Variants in ARHGAP15 observed in about 807,000 individuals in gnomAD.
ARHGAP15 encodes the protein rho GTPase-activating protein 15.
ARHGAP15 carries 51 observed loss-of-function variants against 63.7 expected under a neutral mutation model. The ratio of observed to expected loss-of-function variants is 0.80; its 90% CI spans 0.64 to 1.01. ARHGAP15 has a LOEUF of 1.01. Among genes scored for constraint, ARHGAP15 ranks in the 50% least tolerant of loss-of-function variants. The pLI is 0.00. For missense variants in ARHGAP15, 560 were observed against 564.6 expected (o/e 0.99, Z 0.08); for synonymous variants, 191 against 193.8 (o/e 0.99, Z 0.12).
intron 11 of ARHGAP15, among the ~76,000 whole-genome samples, chr2:143,593,715 T>C (rs1697405275): frequency 6.6e-6 from 1 of 152,204 alleles, no homozygotes; most frequent in Non-Finnish European, 1.5e-5. Flanking sequence ...TTTTAAACTA[T>C]ATTAGAGATA....
chr2:143,555,860 AAGAATAGAATAGAATAGAATAGAAT>A (rs60637898), intron 10 of ARHGAP15, among the ~76,000 whole-genome samples: 1,974 of 138,182 alleles, frequency 0.014, 28 homozygotes, highest in East Asian at 0.036. Flanking sequence ...ACAGGAAAAC[AAGAATAGAATAGAATAGAATAGAAT>A]AGAATAGAAT....
At chr2:143,313,791 A>G (rs1001678576) in intron 6 of ARHGAP15, among the ~76,000 whole-genome samples, 1 of 152,104 alleles carries the variant, frequency 6.6e-6, no homozygotes, top group African/African-American at 2.4e-5. Context: ...TCGTTTCTTT[A>G]ATTAACCTTG....
chr2:143,267,268 G>C (rs2890701), intron 6 of ARHGAP15, among the ~76,000 whole-genome samples: 121,046 of 152,128 alleles, frequency 0.8, 49,117 homozygotes, highest in African/African-American at 0.95. Context: ...GGCAAACTTT[G>C]ATAAAGCCAT....
intron 13 of ARHGAP15, among the ~76,000 whole-genome samples, chr2:143,711,428 A>C (rs955809207): frequency 1.3e-5 from 2 of 152,246 alleles, no homozygotes; most frequent in African/African-American, 4.8e-5. Flanking sequence ...TTGGCTTGGC[A>C]GACAACAGAC....
chr2:143,231,881 A>G (rs553295997), intron 5 of ARHGAP15, among the ~76,000 whole-genome samples: 1 of 152,294 alleles, frequency 6.6e-6, no homozygotes, highest in South Asian at 2.1e-4. Flanking sequence ...GAGAGAGCAG[A>G]CGTTCGTGTC....
intron 1 of ARHGAP15, among the ~76,000 whole-genome samples, chr2:143,144,348 T>C (rs1304472967): frequency 1.3e-5 from 2 of 152,026 alleles, no homozygotes; most frequent in Admixed American, 1.3e-4. Context: ...TTTACAATGG[T>C]TAAACTAATT....
At chr2:143,140,958 A>G (rs1689336493) in intron 1 of ARHGAP15, among the ~76,000 whole-genome samples, 1 of 152,170 alleles carries the variant, frequency 6.6e-6, no homozygotes, top group African/African-American at 2.4e-5. Flanking sequence ...AAAGGGGATT[A>G]GCAAGTGGGC....
chr2:143,405,798 G>A (rs368424939), intron 6 of ARHGAP15, among the ~76,000 whole-genome samples: 8 of 151,800 alleles, frequency 5.3e-5, no homozygotes, highest in African/African-American at 1.7e-4. Flanking sequence ...TTTCTCCATC[G>A]TTTCTTGCAT....
intron 6 of ARHGAP15, among the ~76,000 whole-genome samples, chr2:143,396,574 AGTACGCTCCATATAAATAT>A (rs1687769761): frequency 6.6e-6 from 1 of 151,790 alleles, no homozygotes. Context: ...GTGTTTTTTA[AGTACGCTCCATATAAATAT>A]TCCAAAGAAA....
intron 12 of ARHGAP15, among the ~76,000 whole-genome samples, chr2:143,651,033 ATTAC>A (rs1235510314): frequency 1.3e-5 from 2 of 151,990 alleles, no homozygotes; most frequent in Non-Finnish European, 2.9e-5. Flanking sequence ...AAGACTGTCA[ATTAC>A]TTATATCTTG....
At chr2:143,337,173 G>T (rs115212508) in intron 6 of ARHGAP15, among the ~76,000 whole-genome samples, 4 of 152,138 alleles carry the variant, frequency 2.6e-5, no homozygotes, top group African/African-American at 9.7e-5. Context: ...TGAGTGAAGA[G>T]AGTGTGCAAA....
intron 13 of ARHGAP15, chr2:143,741,216 G>A (rs1415247391): frequency 6.6e-6 from 1 of 152,202 alleles, no homozygotes; most frequent in Non-Finnish European, 1.5e-5. Context: ...GATGGCTTTT[G>A]TTGAAATATT....
chr2:143,234,736 C>G (rs949869373), intron 5 of ARHGAP15, among the ~76,000 whole-genome samples: 5 of 152,086 alleles, frequency 3.3e-5, no homozygotes, highest in African/African-American at 1.2e-4. Context: ...ACACTTTGGC[C>G]AGGACCTTGC....
chr2:143,603,124 A>G (rs547432719), intron 11 of ARHGAP15, among the ~76,000 whole-genome samples: 5 of 152,148 alleles, frequency 3.3e-5, no homozygotes, highest in Admixed American at 6.6e-5. Context: ...TATGTAGTCA[A>G]TGGGACTCAC....
chr2:143,256,769 TAG>T (rs574171921), intron 6 of ARHGAP15, among the ~76,000 whole-genome samples: 53 of 152,096 alleles, frequency 3.5e-4, no homozygotes, highest in African/African-American at 1.2e-3. Flanking sequence ...ATTTTATAAT[TAG>T]AGATTTGATT....
intron 6 of ARHGAP15, among the ~76,000 whole-genome samples, chr2:143,368,515 G>A (rs543692749): frequency 1.3e-5 from 2 of 152,160 alleles, no homozygotes; most frequent in East Asian, 3.9e-4. Flanking sequence ...AAGCAAAGAA[G>A]TGACATGATC....
intron 12 of ARHGAP15, among the ~76,000 whole-genome samples, chr2:143,697,628 T>C: frequency 6.6e-6 from 1 of 152,182 alleles, no homozygotes; most frequent in East Asian, 1.9e-4. Context: ...TTGTATCTAT[T>C]TGTGAGATTT....
intron 6 of ARHGAP15, among the ~76,000 whole-genome samples, chr2:143,407,987 G>GTATATA (rs58194704): frequency 1.6e-3 from 122 of 77,276 alleles, no homozygotes; most frequent in African/African-American, 2.3e-3. Context: ...TTCTGTGTGT[G>GTATATA]TATATATATA....
chr2:143,356,693 G>A (rs1418365664), intron 6 of ARHGAP15, among the ~76,000 whole-genome samples: 2 of 152,090 alleles, frequency 1.3e-5, no homozygotes, highest in African/African-American at 4.8e-5. Flanking sequence ...CACAATTTAT[G>A]TGGCTCGTTG....
Sources: allele counts gnomAD v4.1 joint callset (sites outside exome capture counted in the v4.1 genomes callset), GRCh38; gene constraint gnomAD v4.1.1; transcripts MANE v1.5; gene names NCBI Gene and HGNC (gene_info 2026-07-23, HGNC 2026-07-21).